RYR3: variants seen among roughly 807,000 people sequenced by gnomAD.
RYR3 encodes ryanodine receptor 3, also known as brain ryanodine receptor-calcium release channel.
A neutral mutation model predicts 584.3 loss-of-function variants in RYR3; 207 were observed. The observed-to-expected ratio is 0.35, with a 90% CI of 0.32 to 0.40. The LOEUF is 0.40. Ranked by LOEUF, RYR3 falls within the 10% of genes least tolerant of loss-of-function variation. The pLI is 1.00. For synonymous variants in RYR3, 2,416 were observed against 2,248.5 expected (o/e 1.07, Z -2.11); for missense variants, 5,616 against 6,089.2 (o/e 0.92, Z 2.59).
intron 47 of RYR3, among the ~76,000 whole-genome samples, chr15:33,730,237 G>A: frequency 6.6e-6 from 1 of 151,918 alleles, no homozygotes; most frequent in East Asian, 1.9e-4. Flanking sequence ...CAAGCTTCCT[G>A]ATCAAATAAT....
chr15:33,671,453 TCTTACTGCC>T (rs2063829967), intron 38 of RYR3, among the ~76,000 whole-genome samples: 2 of 152,226 alleles, frequency 1.3e-5, no homozygotes, highest in South Asian at 2.1e-4. Context: ...GGTTCATACA[TCTTACTGCC>T]CTTACTGCCC....
chr15:33,402,488 T>C (rs1248462992), intron 1 of RYR3, among the ~76,000 whole-genome samples: 1 of 152,262 alleles, frequency 6.6e-6, no homozygotes, highest in Admixed American at 6.5e-5. Context: ...TCTGTCACAC[T>C]TCTCATGTAA....
In RYR3 at chr15:33,713,618, G is replaced by A. The variant is rs188260506; in HGVS notation, c.6619+6564G>A. ...TTACATATATTAACTTTAATTATAC[G>A]ACAATCCAATGAGGGAAGCATCTTA... On this transcript the variant is annotated intron_variant, in intron 43 of 103. Coordinates refer to ENST00000634891, the MANE Select transcript of RYR3 (RefSeq NM_001036.6). Among the ~76,000 whole-genome samples the A allele has an allele frequency of 2.0e-4, 31 of 152,200 alleles. 1 individual carries two copies. The East Asian group carries it at 4.8e-3, about 24-fold the overall frequency.
At chr15:33,695,507 G>C (rs1205208204) in intron 38 of RYR3, among the ~76,000 whole-genome samples, 1 of 152,094 alleles carries the variant, frequency 6.6e-6, no homozygotes, top group Non-Finnish European at 1.5e-5. Context: ...ATGCTTATGA[G>C]AGGAGTCCAA....
chr15:33,689,777 A>T (rs1408375822), intron 38 of RYR3, among the ~76,000 whole-genome samples: 1 of 45,192 alleles, frequency 2.2e-5, no homozygotes, highest in East Asian at 8.3e-4. Flanking sequence ...GAATTGTCTT[A>T]TTTCCTAATT....
intron 40 of RYR3, among the ~76,000 whole-genome samples, chr15:33,698,259 C>T (rs189202104): frequency 6.6e-4 from 101 of 152,324 alleles, no homozygotes; most frequent in African/African-American, 2.2e-3. Flanking sequence ...TTCCCGTATT[C>T]GGCAGCCCTG....
At chr15:33,831,421 A>G (rs1419603231) in intron 86 of RYR3, among the ~76,000 whole-genome samples, 1 of 152,262 alleles carries the variant, frequency 6.6e-6, no homozygotes, top group African/African-American at 2.4e-5. Flanking sequence ...AATGTCTGGC[A>G]TATATCTGTT....
intron 1 of RYR3, among the ~76,000 whole-genome samples, chr15:33,334,832 GA>G (rs879492272): frequency 1.7e-3 from 250 of 146,578 alleles, no homozygotes; most frequent in Middle Eastern, 3.5e-3. Flanking sequence ...AAATTGACAA[GA>G]AAAAAAAAAA....
At chr15:33,480,326 A>G (rs115239833) in intron 2 of RYR3, among the ~76,000 whole-genome samples, 1,537 of 152,312 alleles carry the variant, frequency 0.01, 33 homozygotes, top group African/African-American at 0.035. Flanking sequence ...AACTGTACCC[A>G]TCTCATAGGA....
intron 10 of RYR3, among the ~76,000 whole-genome samples, chr15:33,555,519 G>C (rs2057010059): frequency 6.6e-6 from 1 of 152,194 alleles, no homozygotes; most frequent in Non-Finnish European, 1.5e-5. Context: ...ACCAAATAGA[G>C]AGTCAGTCAA....
At chr15:33,583,775 G>GGA (rs1357333447) in intron 14 of RYR3, among the ~76,000 whole-genome samples, 1 of 152,142 alleles carries the variant, frequency 6.6e-6, no homozygotes, top group Non-Finnish European at 1.5e-5. Flanking sequence ...ATTTACGCCA[G>GGA]GCATGGTAGC....
At chr15:33,699,634 T>C (rs2152770886) in intron 40 of RYR3, 70 bp from the exon 41 acceptor site, 1 of 1,477,906 alleles carries the variant, frequency 6.8e-7, no homozygotes, top group East Asian at 2.3e-5. Flanking sequence ...CTTAAGACTC[T>C]GAGGTCAGAG....
intron 1 of RYR3, among the ~76,000 whole-genome samples, chr15:33,446,801 C>G (rs2046705680): frequency 6.6e-6 from 1 of 152,208 alleles, no homozygotes; most frequent in South Asian, 2.1e-4. Flanking sequence ...CACTCTAGTG[C>G]AGAAACTTAA....
chr15:33,721,647 A>C (rs1405765816), intron 43 of RYR3, among the ~76,000 whole-genome samples: 3 of 152,134 alleles, frequency 2.0e-5, no homozygotes, highest in Non-Finnish European at 2.9e-5. Context: ...GGTACCTCTT[A>C]TGATTTTGTA....
intron 1 of RYR3, among the ~76,000 whole-genome samples, chr15:33,423,266 G>A (rs35232564): frequency 6.6e-6 from 1 of 152,066 alleles, no homozygotes; most frequent in South Asian, 2.1e-4. Context: ...TTGTCTTTCT[G>A]TGTCTGACTT....
At chr15:33,588,606 C>G (rs1384619052) in intron 16 of RYR3, among the ~76,000 whole-genome samples, 1 of 152,078 alleles carries the variant, frequency 6.6e-6, no homozygotes, top group African/African-American at 2.4e-5. Flanking sequence ...TCATTTACCC[C>G]CTCCCACACT....
chr15:33,601,527 A>T lies in RYR3; in HGVS notation c.1897A>T (p.Thr633Ser). Residue 633 changes from threonine (T) to serine (S), a missense_variant, in exon 17 of 104, where the codon ACA becomes TCA. By Grantham distance (58) the Thr-to-Ser change is moderately conservative. Coordinates refer to ENST00000634891, the MANE Select transcript of RYR3 (RefSeq NM_001036.6). ...GCCCCGGAGAAACCTACTCCTGCAG[A>T]CACGACTGATTAACGATGTAACCAG... ...LLPRRNLLLQ[T>S]RLINDVTSIR... The T allele has an allele frequency of 6.2e-7, 1 of 1,613,816 alleles. No individual in the cohort carries two copies. Among genetic ancestry groups the T allele is most frequent in the Non-Finnish European group, 8.5e-7 (1 of 1,179,818 alleles).
At position 33,563,010 on chromosome 15, in the gene RYR3, G is replaced by C. The variant is rs199960256; in HGVS notation, c.1146G>C (p.Lys382Asn). 6.2e-7 allele frequency: 1 copy of C among 1,606,840 alleles called. No homozygotes were observed. The highest frequency in any genetic ancestry group is 8.5e-7 in the Non-Finnish European group (1 of 1,176,178). Residue 382 changes from lysine (K) to asparagine (N), a missense_variant and splice_region_variant, in exon 11 of 104, where the codon AAG becomes AAC. By Grantham distance (94) the Lys-to-Asn change is moderately conservative. This residue lies in a region of RYR3 where 1,284 missense variants were observed against 1,344.6 expected (regional missense o/e 0.95). Coordinates refer to ENST00000634891, the MANE Select transcript of RYR3 (RefSeq NM_001036.6). ...CCCGCCTGGGACCTCTAAAAAGAAA[G>C]GTGAGAGTCAGAATATCTGTCTACA... Reference protein sequence around the residue: ...KTSRLGPLKRKVILHQEGHMD... With the variant: ...KTSRLGPLKRNVILHQEGHMD...
Position 33,700,986 on chromosome 15 carries a change from C to A in RYR3, c.6389C>A (p.Ser2130Ter). 6.2e-7 allele frequency: 1 copy of A among 1,612,102 alleles called. No homozygotes were observed. Among genetic ancestry groups the A allele is most frequent in the Non-Finnish European group, 8.5e-7 (1 of 1,178,670 alleles). The part of the protein sequence containing the change: ...ENSSVGLASP[S>*]MRGSTPLDVA... ...TCCCCTCCTCCCTCAGCCTCCCCGT[C>A]GATGAGGGGATCCACCCCGCTGGAT... is the stretch of plus-strand genomic sequence containing the variant. Residue 2130 changes from serine to a stop codon, truncating the protein, a stop_gained, in exon 42 of 104, where the codon TCG (serine) becomes TAG (stop). Transcript: ENST00000634891. LOFTEE classifies it high-confidence loss of function.
Sources: allele counts gnomAD v4.1 joint callset (sites outside exome capture counted in the v4.1 genomes callset), GRCh38; gene constraint gnomAD v4.1.1; regional missense constraint gnomAD v4.1.1; transcripts MANE v1.5; gene names NCBI Gene and HGNC (gene_info 2026-07-23, HGNC 2026-07-21).